The following SPTBN1 variants were observed in gnomAD, a reference collection of about 807,000 sequenced individuals.
SPTBN1 encodes the protein spectrin beta chain, non-erythrocytic 1.
A neutral mutation model predicts 266.4 loss-of-function variants in SPTBN1; 32 were observed. The observed-to-expected ratio is 0.12, with a 90% CI of 0.09 to 0.16. The LOEUF (loss-of-function observed/expected upper bound fraction) is 0.16, where lower values mean the gene tolerates loss of function less well. Among genes scored for constraint, SPTBN1 ranks in the 10% least tolerant of loss-of-function variants. SPTBN1 has a pLI of 1.00. For synonymous variants in SPTBN1, 1,336 were observed against 1,162.2 expected (o/e 1.15, Z -3.04); for missense variants, 2,296 against 3,067.1 (o/e 0.75, Z 5.94).
At chr2:54,483,711 A>T (rs541503313) in intron 1 of SPTBN1, among the ~76,000 whole-genome samples, 18 of 152,206 alleles carry the variant, frequency 1.2e-4, no homozygotes, top group Non-Finnish European at 2.4e-4. Context: ...GATCAAAGGC[A>T]CTTGGGTGAT....
intron 15 of SPTBN1, among the ~76,000 whole-genome samples, 196 bp downstream of exon 15, chr2:54,630,225 T>G (rs1230897046): frequency 6.6e-6 from 1 of 152,242 alleles, no homozygotes; most frequent in African/African-American, 2.4e-5. Context: ...CATCATTGGT[T>G]GCAGGAGGAT....
At chr2:54,460,900 G>A (rs1693332174) in intron 1 of SPTBN1, among the ~76,000 whole-genome samples, 1 of 152,174 alleles carries the variant, frequency 6.6e-6, no homozygotes, top group African/African-American at 2.4e-5. Flanking sequence ...TACTCGGGAG[G>A]CTGAGGCAAC....
At position 54,553,784 on chromosome 2, in the gene SPTBN1, T is replaced by G. The variant is rs114481123; in HGVS notation, c.148+27218T>G. Among the ~76,000 whole-genome samples the G allele has an allele frequency of 9.4e-3, 1,425 of 152,280 alleles. 27 individuals are homozygous for G. The highest frequency in any genetic ancestry group is 0.033 in the African/African-American group (1,367 of 41,534). On this transcript the variant is annotated intron_variant, in intron 2 of 35. Coordinates refer to ENST00000356805, the MANE Select transcript of SPTBN1 (RefSeq NM_003128.3). ...GACATCCTCTCCCAGACACACTGAG[T>G]CTTGATAGTGTCTGGATGTTCAGGA...
At position 54,622,260 on chromosome 2, in the gene SPTBN1, G is replaced by A. The variant is rs775028146; in HGVS notation, c.877-40G>A. The A allele has an allele frequency of 1.7e-5, 27 of 1,598,848 alleles. No individual in the cohort carries two copies. The South Asian group carries it at 2.9e-4, about 17-fold the overall frequency. ...GTTACAATCGTATTTAACTTATGGA[G>A]TGACATGATCTTTTCAATTTTTCTA... On this transcript the variant is annotated intron_variant, in intron 8 of 35. Coordinates refer to ENST00000356805, the MANE Select transcript of SPTBN1 (RefSeq NM_003128.3).
chr2:54,644,035 A>G (rs957940164), intron 19 of SPTBN1, among the ~76,000 whole-genome samples: 3 of 152,126 alleles, frequency 2.0e-5, no homozygotes, highest in African/African-American at 7.2e-5. Flanking sequence ...ATCTTTGGTC[A>G]TGGAATGGAG....
chr2:54,595,916 T>C (rs1464395649), intron 2 of SPTBN1, among the ~76,000 whole-genome samples: 1 of 152,194 alleles, frequency 6.6e-6, no homozygotes, highest in Non-Finnish European at 1.5e-5. Context: ...AACTGCTAAA[T>C]GTGCCGAGGA....
intron 19 of SPTBN1, among the ~76,000 whole-genome samples, chr2:54,643,858 C>CT (rs1054724493): frequency 6.6e-6 from 1 of 152,092 alleles, no homozygotes; most frequent in Non-Finnish European, 1.5e-5. Context: ...TGGTATGTGC[C>CT]TGTAATCGCA....
At chr2:54,506,123 C>CTAAA (rs56815057) in intron 1 of SPTBN1, among the ~76,000 whole-genome samples, 19,204 of 145,350 alleles carry the variant, frequency 0.13, 1,454 homozygotes, top group East Asian at 0.35. Context: ...GACTCCGTCT[C>CTAAA]TAAATAAATA....
At chr2:54,593,914 A>G (rs1294065513) in intron 2 of SPTBN1, among the ~76,000 whole-genome samples, 5 of 137,200 alleles carry the variant, frequency 3.6e-5, no homozygotes, top group Admixed American at 8.6e-5. Context: ...GCTCACTGCA[A>G]CCTCCGCCTC....
intron 1 of SPTBN1, among the ~76,000 whole-genome samples, chr2:54,485,820 G>A (rs1349420842): frequency 2.0e-5 from 3 of 151,394 alleles, no homozygotes; most frequent in African/African-American, 7.3e-5. Context: ...CGTCTGAGAT[G>A]TGGGGAGCGC....
intron 2 of SPTBN1, among the ~76,000 whole-genome samples, chr2:54,569,045 A>G (rs1051067830): frequency 1.3e-5 from 2 of 152,208 alleles, no homozygotes; most frequent in Non-Finnish European, 2.9e-5. Context: ...TATCTGTTAC[A>G]TGGTAAGTGC....
chr2:54,654,873 G>A (rs1390355209), intron 27 of SPTBN1, among the ~76,000 whole-genome samples, 197 bp from the exon 28 acceptor site: 1 of 152,204 alleles, frequency 6.6e-6, no homozygotes, highest in African/African-American at 2.4e-5. Flanking sequence ...TTGGTTACCT[G>A]GCTGGTACTG....
intron 1 of SPTBN1, among the ~76,000 whole-genome samples, chr2:54,469,592 C>G (rs4671940): frequency 0.29 from 43,696 of 152,068 alleles, 6,901 homozygotes; most frequent in Admixed American, 0.4. Context: ...GGAGTCTCAA[C>G]TTGATCTTGA....
intron 2 of SPTBN1, among the ~76,000 whole-genome samples, chr2:54,586,505 C>A (rs1365038059): frequency 6.6e-6 from 1 of 152,098 alleles, no homozygotes; most frequent in Non-Finnish European, 1.5e-5. Flanking sequence ...AATGCTAATC[C>A]TTTGCAGATA....
Position 54,646,262 on chromosome 2 carries a change from C to A in SPTBN1, c.4653C>A (p.Ile1551=), listed in dbSNP as rs774011508. Residue 1551 remains isoleucine, a synonymous_variant, in exon 23 of 36, where the codon ATC becomes ATA. Transcript: ENST00000356805. The surrounding 1 kb of genome is among the most constrained non-coding windows in gnomAD (Gnocchi z 4.4). ...ACATCTTTGAGAGGAGCCAAAACATCGTCACTGACAGCAGCAGCCTCAGCG... is the reference window on the plus strand; with the variant it reads ...ACATCTTTGAGAGGAGCCAAAACATAGTCACTGACAGCAGCAGCCTCAGCG... ...IDDIFERSQN[I]VTDSSSLSAE... The A allele has an allele frequency of 2.5e-6, 4 of 1,614,130 alleles. No homozygotes were observed. The highest frequency in any genetic ancestry group is 3.4e-6 in the Non-Finnish European group (4 of 1,180,004).
At chr2:54,643,982 C>CAATAAT (rs56299899) in intron 19 of SPTBN1, among the ~76,000 whole-genome samples, 2 of 149,794 alleles carry the variant, frequency 1.3e-5, no homozygotes, top group Non-Finnish European at 3.0e-5. Flanking sequence ...AATATAATAA[C>CAATAAT]AATAATAATA....
At chr2:54,465,148 T>C (rs1220633358) in intron 1 of SPTBN1, among the ~76,000 whole-genome samples, 1 of 152,236 alleles carries the variant, frequency 6.6e-6, no homozygotes, top group Non-Finnish European at 1.5e-5. Flanking sequence ...CTTTGCAGTT[T>C]TCTAAGAGCA....
At chr2:54,597,146 C>T (rs1005029398) in intron 2 of SPTBN1, among the ~76,000 whole-genome samples, 2 of 152,106 alleles carry the variant, frequency 1.3e-5, no homozygotes, top group Admixed American at 6.5e-5. Context: ...TTTTATAATT[C>T]ACAAAAAAAA....
intron 3 of SPTBN1, among the ~76,000 whole-genome samples, chr2:54,607,974 C>T (rs927422937): frequency 1.3e-5 from 2 of 152,192 alleles, no homozygotes; most frequent in Non-Finnish European, 1.5e-5. Context: ...GTTTTCCGTA[C>T]AGCACATAGC....
Sources: allele counts gnomAD v4.1 joint callset (sites outside exome capture counted in the v4.1 genomes callset), GRCh38; gene constraint gnomAD v4.1.1; non-coding constraint Gnocchi (gnomAD v3.1); transcripts MANE v1.5; gene names NCBI Gene and HGNC (gene_info 2026-07-23, HGNC 2026-07-21).